BTRC: variants seen among roughly 807,000 people sequenced by gnomAD.
BTRC encodes beta-transducin repeat containing E3 ubiquitin protein ligase, also known as F-box/WD repeat-containing protein 1A.
A neutral mutation model predicts 85.5 loss-of-function variants in BTRC; 42 were observed. The ratio of observed to expected loss-of-function variants is 0.49; its 90% confidence interval spans 0.38 to 0.64. The LOEUF is 0.64. Ranked by LOEUF, BTRC falls within the 30% of genes least tolerant of loss-of-function variation. The pLI is 0.00. For synonymous variants in BTRC, 255 were observed against 263.3 expected, an observed-to-expected ratio of 0.97 and a Z score of 0.30; for missense variants, 594 against 743.5, an observed-to-expected ratio of 0.80 and a Z score of 2.34.
intron 3 of BTRC, among the ~76,000 whole-genome samples, chr10:101,467,801 A>G (rs1027977837): frequency 1.3e-5 from 2 of 152,138 alleles, no homozygotes; most frequent in Non-Finnish European, 2.9e-5. Flanking sequence ...TTAATTACCT[A>G]TTTATAAAAA....
Position 101,534,757 on chromosome 10 carries a change from C to G in BTRC, c.1194C>G (p.Thr398=), listed in dbSNP as rs1206928451. Residue 398 remains threonine (T), a synonymous_variant, in exon 10 of 15, where the codon ACC becomes ACG. Coordinates refer to ENST00000370187, the MANE Select transcript of BTRC (RefSeq NM_033637.4). ...GTTTCAATAATGGCATGATGGTGAC[C>G]TGCTCCAAAGATCGTTCCATTGCTG... ...HLRFNNGMMV[T]CSKDRSIAVW... The G allele has an allele frequency of 1.2e-6, 2 of 1,614,040 alleles. No individual in the cohort carries two copies. Among genetic ancestry groups the G allele is most frequent in the African/African-American group, 1.3e-5 (1 of 74,904 alleles).
intron 1 of BTRC, chr10:101,414,608 T>C (rs962187270): frequency 1.9e-5 from 10 of 513,806 alleles, no homozygotes; most frequent in African/African-American, 1.9e-4. Context: ...AAAAAGGCAT[T>C]GATGTCATAG....
chr10:101,367,493 A>G (rs899523512), intron 1 of BTRC, among the ~76,000 whole-genome samples: 2 of 152,194 alleles, frequency 1.3e-5, no homozygotes, highest in Non-Finnish European at 2.9e-5. Context: ...AAATAATTAT[A>G]TATAGCTCAG....
chr10:101,488,001 T>C (rs769993697), intron 4 of BTRC, among the ~76,000 whole-genome samples: 2 of 152,218 alleles, frequency 1.3e-5, no homozygotes, highest in Non-Finnish European at 2.9e-5. Flanking sequence ...CTATAGACTG[T>C]AATTCTATCA....
chr10:101,442,834 T>G (rs1944722507), intron 2 of BTRC, among the ~76,000 whole-genome samples: 1 of 152,070 alleles, frequency 6.6e-6, no homozygotes, highest in African/African-American at 2.4e-5. Context: ...TGTATGTGAT[T>G]ATGCTTATAT....
chr10:101,357,084 G>A (rs1308923436), intron 1 of BTRC, among the ~76,000 whole-genome samples: 18 of 151,270 alleles, frequency 1.2e-4, no homozygotes, highest in African/African-American at 4.4e-4. Flanking sequence ...AGCCAAGATC[G>A]CGCCACTGCA....
chr10:101,447,930 A>C lies in BTRC; in HGVS notation c.157-14051A>C, dbSNP rs1404450843. Among the ~76,000 whole-genome samples, 3 of 152,164 alleles carry C rather than the reference A, an allele frequency of 2.0e-5. No homozygotes were observed. In the East Asian group the frequency reaches 5.8e-4, roughly 29 times the overall value. On this transcript the variant is annotated intron_variant, in intron 2 of 14. Transcript: ENST00000370187. ...AGTATTATTAATATTTCCAAAAAAA[A>C]CCAATTTCTGCTAAATGATAGTAAA... is the stretch of plus-strand genomic sequence containing the variant.
intron 4 of BTRC, among the ~76,000 whole-genome samples, chr10:101,511,570 G>A (rs1053961056): frequency 6.6e-6 from 1 of 151,866 alleles, no homozygotes; most frequent in South Asian, 2.1e-4. Context: ...GTTTTGTTTT[G>A]TTTTGCGACA....
intron 4 of BTRC, among the ~76,000 whole-genome samples, chr10:101,490,038 T>G (rs1254878111): frequency 6.6e-6 from 1 of 152,192 alleles, no homozygotes; most frequent in Admixed American, 6.5e-5. Flanking sequence ...TTAAAGTTCT[T>G]ATGCATGGGA....
chr10:101,414,648 T>C (rs779696463), intron 1 of BTRC: 8 of 517,756 alleles, frequency 1.5e-5, no homozygotes, highest in South Asian at 1.1e-4. Flanking sequence ...TGTTAATTGC[T>C]CCCAAAGACC....
At chr10:101,495,451 G>T (rs1946235313) in intron 4 of BTRC, among the ~76,000 whole-genome samples, 1 of 152,152 alleles carries the variant, frequency 6.6e-6, no homozygotes, top group Admixed American at 6.5e-5. Context: ...TCACCGTATT[G>T]CATTTAACCG....
chr10:101,440,792 C>G (rs11191013), intron 2 of BTRC, among the ~76,000 whole-genome samples: 20,614 of 152,132 alleles, frequency 0.14, 1,786 homozygotes, highest in Non-Finnish European at 0.19. Context: ...AAGAGCTGTT[C>G]TGCATCAGTC....
chr10:101,431,099 C>T (rs1312365341), intron 2 of BTRC, among the ~76,000 whole-genome samples: 32 of 94,502 alleles, frequency 3.4e-4, no homozygotes, highest in African/African-American at 1.2e-3. Context: ...TTTTTTGAGA[C>T]GGAGTCTTGC....
intron 3 of BTRC, among the ~76,000 whole-genome samples, chr10:101,463,141 G>T (rs1945275153): frequency 6.6e-6 from 1 of 152,048 alleles, no homozygotes; most frequent in Non-Finnish European, 1.5e-5. Context: ...CACCTCCAGG[G>T]TTCAAGCGAC....
intron 1 of BTRC, among the ~76,000 whole-genome samples, chr10:101,399,498 G>A (rs1019548721): frequency 3.3e-5 from 5 of 152,058 alleles, no homozygotes; most frequent in Non-Finnish European, 5.9e-5. Flanking sequence ...CTAACATTTT[G>A]TAAAGGAGTT....
At chr10:101,363,712 GCAGCTTTGTAGAAGAAAGCTTCATAT>G (rs572157869) in intron 1 of BTRC, among the ~76,000 whole-genome samples, 15 of 152,228 alleles carry the variant, frequency 9.9e-5, no homozygotes, top group African/African-American at 3.6e-4. Flanking sequence ...GAGCTCTTTA[GCAGCTTTGTAGAAGAAAGCTTCATAT>G]TAGATCTTGA....
chr10:101,548,610 A>G (rs1228329107), intron 13 of BTRC, among the ~76,000 whole-genome samples: 2 of 152,050 alleles, frequency 1.3e-5, no homozygotes, highest in African/African-American at 2.4e-5. Context: ...AAATTAGCCA[A>G]GCATGGCGGG....
At chr10:101,509,864 C>CA (rs1387806237) in intron 4 of BTRC, among the ~76,000 whole-genome samples, 2 of 150,148 alleles carry the variant, frequency 1.3e-5, no homozygotes, top group Non-Finnish European at 3.0e-5. Context: ...GCCTGACTGG[C>CA]TTTTTTTTTA....
intron 1 of BTRC, among the ~76,000 whole-genome samples, chr10:101,380,878 A>G (rs1480890022): frequency 6.6e-6 from 1 of 152,216 alleles, no homozygotes; most frequent in Non-Finnish European, 1.5e-5. Context: ...TCTAGATAGT[A>G]TACCTTACTA....
Sources: allele counts gnomAD v4.1 joint callset (sites outside exome capture counted in the v4.1 genomes callset), GRCh38; gene constraint gnomAD v4.1.1; transcripts MANE v1.5; gene names NCBI Gene and HGNC (gene_info 2026-07-23, HGNC 2026-07-21).